The following PSD3 variants were observed in gnomAD, a reference collection of about 807,000 sequenced individuals.
PSD3 encodes the protein pleckstrin and Sec7 domain containing 3.
PSD3 carries 49 observed loss-of-function variants against 105.5 expected under a neutral mutation model. The observed-to-expected ratio is 0.46, with a 90% confidence interval of 0.37 to 0.59. PSD3 has a LOEUF of 0.59. PSD3 is among the 20% of genes least tolerant of loss of function. The pLI, the probability that PSD3 is intolerant of heterozygous loss-of-function variation, is 0.00. For missense variants in PSD3, 1,561 were observed against 1,263.8 expected (o/e 1.24, Z -3.57); for synonymous variants, 557 against 457.8 (o/e 1.22, Z -2.77).
At chr8:18,765,375 C>A in intron 9 of PSD3, 74 bp downstream of exon 9, 1 of 1,299,248 alleles carries the variant, frequency 7.7e-7, no homozygotes, top group Admixed American at 1.7e-5. Context: ...TGATCCTTAG[C>A]CTACTTAGGA....
chr8:18,834,771 A>T (rs1037507485), intron 4 of PSD3, among the ~76,000 whole-genome samples: 4 of 152,232 alleles, frequency 2.6e-5, no homozygotes, highest in Non-Finnish European at 5.9e-5. Flanking sequence ...AGAGAGAAGC[A>T]GACCCTTCAG....
intron 2 of PSD3, among the ~76,000 whole-genome samples, chr8:18,926,740 C>T (rs759488196): frequency 4.6e-5 from 7 of 152,174 alleles, no homozygotes; most frequent in Non-Finnish European, 1.0e-4. Context: ...TTTCTCCACA[C>T]ATGAAGCAAG....
intron 4 of PSD3, among the ~76,000 whole-genome samples, chr8:18,824,531 C>G (rs1813020573): frequency 6.6e-6 from 1 of 152,146 alleles, no homozygotes; most frequent in Non-Finnish European, 1.5e-5. Context: ...AGGTATTAGT[C>G]TTAAGATATT....
At chr8:19,060,895 G>C (rs1273623804) in intron 1 of PSD3, among the ~76,000 whole-genome samples, 1 of 152,174 alleles carries the variant, frequency 6.6e-6, no homozygotes, top group Non-Finnish European at 1.5e-5. Flanking sequence ...CCCATCCCTG[G>C]TTATCTAGGC....
At position 18,877,405 on chromosome 8, in the gene PSD3, T is replaced by C. The variant is rs373229140; in HGVS notation, c.131-4672A>G. ...TGTGGATATCCAGTTGTCCCAGAGCTATCTGTTGAAAAGACTATTCTTTAC... is the reference window on the plus strand; with the variant it reads ...TGTGGATATCCAGTTGTCCCAGAGCCATCTGTTGAAAAGACTATTCTTTAC... On this transcript the variant is annotated intron_variant, in intron 2 of 15. Transcript: ENST00000327040. Among the ~76,000 whole-genome samples, 13 of 152,310 alleles carry C rather than the reference T, an allele frequency of 8.5e-5. No homozygotes were observed. The East Asian group carries it at 9.6e-4, about 11-fold the overall frequency.
chr8:18,864,909 G>C (rs1054461873), intron 4 of PSD3: 8 of 151,814 alleles, frequency 5.3e-5, no homozygotes, highest in Non-Finnish European at 1.2e-4. Context: ...GTGTGGAAAC[G>C]TGTGTATTAT....
chr8:18,958,883 C>T (rs1165493450), intron 1 of PSD3, among the ~76,000 whole-genome samples: 1 of 151,664 alleles, frequency 6.6e-6, no homozygotes, highest in Non-Finnish European at 1.5e-5. Flanking sequence ...TCCAATAAGT[C>T]CTATATACAA....
chr8:18,647,492 A>G (rs1405425350), intron 10 of PSD3, among the ~76,000 whole-genome samples: 1 of 152,246 alleles, frequency 6.6e-6, no homozygotes, highest in Admixed American at 6.5e-5. Flanking sequence ...ATGCTTATCC[A>G]GAGTTAAAAA....
intron 4 of PSD3, among the ~76,000 whole-genome samples, chr8:18,835,933 G>C (rs1354733178): frequency 1.3e-5 from 2 of 152,156 alleles, no homozygotes; most frequent in Non-Finnish European, 2.9e-5. Flanking sequence ...CTCTGGCTTT[G>C]ACTCTGAGAT....
At chr8:18,613,806 T>C (rs1006430220) in intron 11 of PSD3, among the ~76,000 whole-genome samples, 4 of 152,146 alleles carry the variant, frequency 2.6e-5, no homozygotes, top group Admixed American at 6.5e-5. Flanking sequence ...CCTTGAATCT[T>C]TGAAGTGCAC....
At chr8:19,058,831 A>T (rs1370702164) in intron 1 of PSD3, among the ~76,000 whole-genome samples, 3 of 152,188 alleles carry the variant, frequency 2.0e-5, no homozygotes, top group Non-Finnish European at 4.4e-5. Context: ...CCTTGGAAAG[A>T]GGAAGTGAGG....
intron 4 of PSD3, among the ~76,000 whole-genome samples, chr8:18,816,134 G>C (rs1042360894): frequency 1.3e-5 from 2 of 152,130 alleles, no homozygotes; most frequent in African/African-American, 4.8e-5. Context: ...CCACTCTTTA[G>C]TACCCAATAT....
chr8:18,798,105 T>A (rs1470015251), intron 8 of PSD3, among the ~76,000 whole-genome samples: 1 of 152,118 alleles, frequency 6.6e-6, no homozygotes, highest in Non-Finnish European at 1.5e-5. Context: ...GGATGAACAT[T>A]AGATTGCGGT....
chr8:18,693,122 G>A (rs1318389503), intron 9 of PSD3, among the ~76,000 whole-genome samples: 1 of 152,188 alleles, frequency 6.6e-6, no homozygotes, highest in African/African-American at 2.4e-5. Context: ...ATTTGGAGAA[G>A]ACAGGGCTAT....
intron 10 of PSD3, among the ~76,000 whole-genome samples, chr8:18,647,668 T>A (rs1000138059): frequency 3.3e-4 from 50 of 149,422 alleles, no homozygotes; most frequent in Non-Finnish European, 6.0e-4. Flanking sequence ...TTTTTTTTTT[T>A]AAACTAGGAT....
intron 2 of PSD3, among the ~76,000 whole-genome samples, chr8:18,877,872 T>C (rs909494979): frequency 4.6e-5 from 7 of 152,174 alleles, no homozygotes; most frequent in Non-Finnish European, 8.8e-5. Flanking sequence ...AATAACACTG[T>C]CTTCACTATT....
exon 1 of PSD3, chr8:19,084,482 T>G (rs1344638968): frequency 2.2e-6 from 1 of 450,524 alleles, no homozygotes; most frequent in Non-Finnish European, 4.5e-6. Context: ...CAGAAGTGAC[T>G]GGCCAGTGCT....
chr8:18,994,865 G>A (rs1033302083), intron 1 of PSD3, among the ~76,000 whole-genome samples: 5 of 151,468 alleles, frequency 3.3e-5, no homozygotes, highest in African/African-American at 4.8e-5. Context: ...GAAACTAAAT[G>A]TAGAATTTAC....
intron 2 of PSD3, among the ~76,000 whole-genome samples, chr8:18,925,541 C>A (rs529559814): frequency 1.3e-5 from 2 of 151,976 alleles, no homozygotes; most frequent in Admixed American, 6.6e-5. Context: ...ATCTAAAATT[C>A]AAAATGCTCC....
Sources: allele counts gnomAD v4.1 joint callset (sites outside exome capture counted in the v4.1 genomes callset), GRCh38; gene constraint gnomAD v4.1.1; transcripts MANE v1.5; gene names NCBI Gene and HGNC (gene_info 2026-07-23, HGNC 2026-07-21).